TTC39A: variants seen among roughly 807,000 people sequenced by gnomAD.
TTC39A encodes tetratricopeptide repeat protein 39A.
A neutral mutation model predicts 82.3 loss-of-function variants in TTC39A; 46 were observed. The observed-to-expected ratio is 0.56, with a 90% CI of 0.44 to 0.71. The LOEUF is 0.71. Among genes scored for constraint, TTC39A ranks in the 30% least tolerant of loss-of-function variants. The pLI, the probability that TTC39A is intolerant of heterozygous loss-of-function variation, is 0.00. For missense variants in TTC39A, 543 were observed against 712.9 expected (o/e 0.76, Z 2.71); for synonymous variants, 254 against 275.2 (o/e 0.92, Z 0.76).
intron 1 of TTC39A, among the ~76,000 whole-genome samples, chr1:51,339,702 T>A (rs1646012666): frequency 6.6e-6 from 1 of 152,116 alleles, no homozygotes; most frequent in Non-Finnish European, 1.5e-5. Context: ...GGTGGGAGGA[T>A]CACTTGAGGC....
At chr1:51,316,485 C>G (rs897728389) in intron 2 of TTC39A, among the ~76,000 whole-genome samples, 1 of 152,200 alleles carries the variant, frequency 6.6e-6, no homozygotes, top group Non-Finnish European at 1.5e-5. Context: ...TGCCAACCTT[C>G]TGCTGAACCT....
upstream of TTC39A, among the ~76,000 whole-genome samples, chr1:51,336,286 C>T (rs1163592355): frequency 2.6e-5 from 4 of 152,170 alleles, no homozygotes; most frequent in Admixed American, 2.6e-4. Flanking sequence ...TCTATTCCTG[C>T]TCCTTGGGCA....
rs72904275 is a variant in TTC39A, at chr1:51,287,620, A to G, written c.*537T>C. On this transcript the variant is annotated 3_prime_UTR_variant, in exon 18 of 18. Transcript: ENST00000680483. ...GTAGTGGGTGTCTGTGTACATCCTC[A>G]TGCCCAACCCCAGAAGCATTGAAGC... 0.021 allele frequency: 3,207 copies of G among 154,872 alleles called. 93 individuals are homozygous for G. The highest frequency in any genetic ancestry group is 0.065 in the African/African-American group (2,691 of 41,616). The allele number at this position is 154,872 out of a possible 1,614,324, so 9.6% of individuals were successfully genotyped here. A position where few individuals can be genotyped will look rare whatever the true frequency, so the allele number is the denominator to read the frequency against.
exon 1 of TTC39A, chr1:51,345,043 T>C: frequency 6.7e-7 from 1 of 1,482,960 alleles, no homozygotes; most frequent in Non-Finnish European, 9.0e-7. Flanking sequence ...AGAAAGGCCA[T>C]GGGCGCGGGC....
In TTC39A at chr1:51,330,210, G is replaced by A. The variant is rs1645853311; in HGVS notation, c.41+227C>T. ...AGCTCCGTGAGAAAGTTGGGACCCAGAAGGTGAGTGACCGACCCGGGGTCC... is the reference window on the plus strand; with the variant it reads ...AGCTCCGTGAGAAAGTTGGGACCCAAAAGGTGAGTGACCGACCCGGGGTCC... On this transcript the variant is annotated intron_variant, in intron 1 of 17. Transcript: ENST00000680483. This position sits in a 1 kb window ranked among gnomAD's most constrained non-coding sequence, Gnocchi z 4.5. The A allele has an allele frequency of 1.0e-6, 1 of 985,556 alleles. No homozygotes were observed. Among genetic ancestry groups the A allele is most frequent in the Non-Finnish European group, 1.2e-6 (1 of 830,086 alleles). The allele number at this position is 985,556 out of a possible 1,614,324, so 61.1% of individuals were successfully genotyped here.
intron 15 of TTC39A, 73 bp downstream of exon 15, chr1:51,290,441 T>C: frequency 7.3e-7 from 1 of 1,367,452 alleles, no homozygotes; most frequent in Non-Finnish European, 1.0e-6. Context: ...GGAAGGACAT[T>C]TTTGGCAGAG....
At chr1:51,304,507 C>A (rs1557713735) in intron 8 of TTC39A, among the ~76,000 whole-genome samples, 1 of 152,172 alleles carries the variant, frequency 6.6e-6, no homozygotes, top group African/African-American at 2.4e-5. Flanking sequence ...CTCCTAACTT[C>A]CAGGCCAGTG....
intron 5 of TTC39A, among the ~76,000 whole-genome samples, chr1:51,310,561 A>G (rs1383413052): frequency 3.3e-5 from 5 of 152,352 alleles, no homozygotes; most frequent in African/African-American, 9.6e-5. Flanking sequence ...ACTAAAATGC[A>G]TATGTCCCTC....
chr1:51,302,648 G>C (rs1644716837), intron 9 of TTC39A, 75 bp from the exon 10 acceptor site: 1 of 1,508,360 alleles, frequency 6.6e-7, no homozygotes. Flanking sequence ...CAACCCAGCA[G>C]GGGCTTCCCA....
rs369377981 is a variant in TTC39A, at chr1:51,312,091, G to C, written c.355+28C>G. Reference sequence around the variant, plus strand: ...GGAGCTGGCCACCTGGGCTTAGCATGGTTGAAAGGATGTCCTGGATGCCAC... The same window carrying C: ...GGAGCTGGCCACCTGGGCTTAGCATCGTTGAAAGGATGTCCTGGATGCCAC... On this transcript the variant is annotated intron_variant, in intron 4 of 17. Transcript: ENST00000680483. 1.7e-5 allele frequency: 28 copies of C among 1,603,110 alleles called. No homozygotes were observed. The African/African-American group carries it at 3.3e-4, about 19-fold the overall frequency.
chr1:51,337,614 A>G (rs1645991173), intron 1 of TTC39A, among the ~76,000 whole-genome samples: 1 of 151,454 alleles, frequency 6.6e-6, no homozygotes, highest in Non-Finnish European at 1.5e-5. Flanking sequence ...TTTAGTAGAG[A>G]CTGGATTTCA....
intron 15 of TTC39A, 52 bp from the exon 16 acceptor site, chr1:51,290,171 G>A (rs956231744): frequency 1.3e-6 from 2 of 1,534,392 alleles, no homozygotes; most frequent in African/African-American, 2.7e-5. Flanking sequence ...TTCTGCAGCA[G>A]TTACTTATGG....
At chr1:51,318,567 G>A (rs1051180590) in intron 2 of TTC39A, among the ~76,000 whole-genome samples, 43 of 152,308 alleles carry the variant, frequency 2.8e-4, no homozygotes, top group African/African-American at 9.4e-4. Flanking sequence ...TACAGAAATT[G>A]AAGAGGTCAG....
chr1:51,314,530 T>C (rs1645211000), intron 2 of TTC39A, among the ~76,000 whole-genome samples: 1 of 152,208 alleles, frequency 6.6e-6, no homozygotes, highest in Non-Finnish European at 1.5e-5. Context: ...CATAAAACAC[T>C]CATAAGTTAA....
intron 12 of TTC39A, chr1:51,297,660 G>C (rs1211011597): frequency 2.0e-5 from 3 of 152,294 alleles, no homozygotes; most frequent in African/African-American, 4.8e-5. Flanking sequence ...TCTCATTATC[G>C]GACTGCCACC....
rs1436345585 is a variant in TTC39A, at chr1:51,288,109, G to A, written c.*48C>T. 1 of 1,610,214 alleles carries A rather than the reference G, an allele frequency of 6.2e-7. No homozygotes were observed. Among genetic ancestry groups the A allele is most frequent in the East Asian group, 2.2e-5 (1 of 44,820 alleles). ...GGGGTATTTTGAAATGTTTTCAGGAGCTCTGTCCAGCTGTCTCTGTCTTCC... is the reference window on the plus strand; with the variant it reads ...GGGGTATTTTGAAATGTTTTCAGGAACTCTGTCCAGCTGTCTCTGTCTTCC... On this transcript the variant is annotated 3_prime_UTR_variant, in exon 18 of 18. Transcript: ENST00000680483. This position sits in a 1 kb window ranked among gnomAD's most constrained non-coding sequence, Gnocchi z 4.8.
chr1:51,319,812 T>C (rs1645427221), intron 2 of TTC39A, among the ~76,000 whole-genome samples: 1 of 151,594 alleles, frequency 6.6e-6, no homozygotes, highest in African/African-American at 2.4e-5. Context: ...CACCTCAGCC[T>C]CCTGAGTAGC....
At chr1:51,331,425 G>A, upstream of TTC39A, 4 of 1,434,562 alleles carry the variant, frequency 2.8e-6, no homozygotes, top group Non-Finnish European at 3.6e-6. Flanking sequence ...TGACTCATCA[G>A]AGCATGTGGC....
chr1:51,331,193 G>T (rs1645902726), upstream of TTC39A: 2 of 1,550,034 alleles, frequency 1.3e-6, no homozygotes, highest in Non-Finnish European at 1.7e-6. Flanking sequence ...CATCCCTCCT[G>T]AATCCAAAGC....
Sources: allele counts gnomAD v4.1 joint callset (sites outside exome capture counted in the v4.1 genomes callset), GRCh38; gene constraint gnomAD v4.1.1; non-coding constraint Gnocchi (gnomAD v3.1); transcripts MANE v1.5; gene names NCBI Gene and HGNC (gene_info 2026-07-23, HGNC 2026-07-21).